The following POF1B variants were observed in gnomAD, a reference collection of about 807,000 sequenced individuals.
The protein encoded by POF1B is POF1B actin binding protein, also known as protein POF1B.
A neutral mutation model predicts 55.3 loss-of-function variants in POF1B; 53 were observed. The ratio of observed to expected loss-of-function variants is 0.96; its 90% CI spans 0.77 to 1.20. POF1B has a LOEUF of 1.20. POF1B is among the 50% of genes most tolerant of loss of function. POF1B has a pLI of 0.00. For synonymous variants in POF1B, 188 were observed against 148.3 expected (o/e 1.27, Z -1.95); for missense variants, 478 against 420.5 (o/e 1.14, Z -1.20).
At chrX:85,363,469 G>T (rs759202337) in intron 3 of POF1B, among the ~76,000 whole-genome samples, 8 of 111,580 alleles carry the variant, frequency 7.2e-5, no homozygotes, top group African/African-American at 2.3e-4. Flanking sequence ...TAGTTTCAAA[G>T]AACTTCTTGA....
rs777058764 is a variant in POF1B, at chrX:85,282,231, A to G, written c.1736T>C (p.Ile579Thr). 11 of 1,185,949 alleles carry G rather than the reference A, an allele frequency of 9.3e-6. No homozygotes were observed. Among genetic ancestry groups the G allele is most frequent in the Non-Finnish European group, 1.2e-5 (11 of 881,085 alleles). ...PPGSETQTIVIEKTEDKYTCP is the reference protein window; with the variant it reads ...PPGSETQTIVTEKTEDKYTCP ...AGTGTATTTGTCTTCTGTTTTCTCA[A>G]TCACAATAGTCTGTGTTTCACTACC... The change falls in exon 16 of 17, where the codon ATT (isoleucine) becomes ACT (threonine). Residue 579 changes from isoleucine (I) to threonine (T), a missense_variant. Coordinates refer to ENST00000262753, the MANE Select transcript of POF1B (RefSeq NM_024921.4).
rs187143100 is a variant in POF1B at position 85,302,076 on chromosome X, C to A, written c.1649+1330G>T. 1.4e-3 allele frequency among the ~76,000 whole-genome samples: 152 copies of A among 111,135 alleles called. 1 individual carries two copies. The highest frequency in any genetic ancestry group is 4.7e-3 in the African/African-American group (145 of 30,704). On this transcript the variant is annotated intron_variant, in intron 15 of 16. Transcript: ENST00000262753. ...TTTCTTGTATATAATACCAAAAGCACAAGCAAGAAAAAATATAGATGAATT... is the reference window on the plus strand; with the variant it reads ...TTTCTTGTATATAATACCAAAAGCAAAAGCAAGAAAAAATATAGATGAATT...
chrX:85,330,813 A>G (rs1421179954), intron 7 of POF1B, 136 bp downstream of exon 7: 31 of 569,135 alleles, frequency 5.4e-5, no homozygotes, highest in Non-Finnish European at 6.3e-5. Context: ...AACTTAAAGT[A>G]TAATTAAAAA....
intron 7 of POF1B, among the ~76,000 whole-genome samples, chrX:85,330,653 C>T (rs1199972733): frequency 9.0e-6 from 1 of 110,795 alleles, no homozygotes; most frequent in Non-Finnish European, 1.9e-5. Flanking sequence ...GAGACATTTG[C>T]TCATATCTGC....
intron 10 of POF1B, 56 bp from the exon 11 acceptor site, chrX:85,307,332 T>A (rs1932597566): frequency 8.0e-6 from 6 of 754,241 alleles, no homozygotes; most frequent in Non-Finnish European, 1.2e-5. Context: ...AACAGTCACA[T>A]AATACAAAGA....
intron 9 of POF1B, among the ~76,000 whole-genome samples, chrX:85,310,185 A>C (rs1469826208): frequency 2.7e-5 from 3 of 112,132 alleles, no homozygotes; most frequent in Non-Finnish European, 5.6e-5. Flanking sequence ...AAGAACAACA[A>C]AAATCTCAAC....
At chrX:85,304,238 CT>C in intron 14 of POF1B, 104 bp downstream of exon 14, 1 of 808,865 alleles carries the variant, frequency 1.2e-6, no homozygotes, top group South Asian at 5.7e-5. Flanking sequence ...AATAAAGTGA[CT>C]CTTGGATATG....
intron 15 of POF1B, among the ~76,000 whole-genome samples, chrX:85,282,751 G>A (rs1396687942): frequency 9.1e-6 from 1 of 109,613 alleles, no homozygotes; most frequent in African/African-American, 3.4e-5. Context: ...TTGTGGGGCA[G>A]AGTATCAGAC....
intron 6 of POF1B, among the ~76,000 whole-genome samples, chrX:85,339,712 A>G (rs964083091): frequency 2.7e-5 from 3 of 110,958 alleles, no homozygotes; most frequent in Non-Finnish European, 5.7e-5. Context: ...TTTCAGATGA[A>G]GGGAACAAAA....
intron 13 of POF1B, among the ~76,000 whole-genome samples, 171 bp from the exon 14 acceptor site, chrX:85,304,642 G>A (rs900263673): frequency 9.0e-6 from 1 of 110,981 alleles, no homozygotes; most frequent in Non-Finnish European, 1.9e-5. Flanking sequence ...GAAATGAAAT[G>A]CCAATTACAA....
At chrX:85,301,298 T>C (rs1445935541) in intron 15 of POF1B, among the ~76,000 whole-genome samples, 1 of 111,874 alleles carries the variant, frequency 8.9e-6, no homozygotes, top group East Asian at 2.8e-4. Flanking sequence ...AATTATCAAC[T>C]GATTTCTCAT....
intron 15 of POF1B, among the ~76,000 whole-genome samples, chrX:85,286,609 T>C (rs142269927): frequency 1.8e-5 from 2 of 111,366 alleles, no homozygotes; most frequent in East Asian, 5.7e-4. Flanking sequence ...TGGAAACATA[T>C]GTACCATGCA....
At chrX:85,328,168 T>A (rs778058957) in intron 7 of POF1B, among the ~76,000 whole-genome samples, 55 of 100,500 alleles carry the variant, frequency 5.5e-4, no homozygotes, top group East Asian at 1.7e-3. Flanking sequence ...ACAATATCTT[T>A]TTTATTTATT....
At chrX:85,331,402 G>A (rs1932976657) in intron 6 of POF1B, among the ~76,000 whole-genome samples, 1 of 109,420 alleles carries the variant, frequency 9.1e-6, no homozygotes, top group Non-Finnish European at 1.9e-5. Context: ...TGTCTCCTGT[G>A]GAAAAAGAAA....
chrX:85,284,986 A>C lies in POF1B; in HGVS notation c.1650-2669T>G, dbSNP rs182788135. ...AAAAAATCAAACATCCCCATCAAAA[A>C]GTGGGCAAAGGATATGAACAGACAC... On this transcript the variant is annotated intron_variant, in intron 15 of 16. Transcript: ENST00000262753. 3.3e-3 allele frequency among the ~76,000 whole-genome samples: 368 copies of C among 112,110 alleles called. 2 individuals are homozygous for C. Among genetic ancestry groups the C allele is most frequent in the African/African-American group, 0.011 (352 of 30,861 alleles).
chrX:85,333,566 G>A (rs1034222473), intron 6 of POF1B, among the ~76,000 whole-genome samples: 1 of 110,670 alleles, frequency 9.0e-6, no homozygotes, highest in African/African-American at 3.3e-5. Context: ...TTTTTTACAG[G>A]TTTCTCTCTT....
At chrX:85,317,860 A>G (rs952462898) in intron 7 of POF1B, among the ~76,000 whole-genome samples, 2 of 112,057 alleles carry the variant, frequency 1.8e-5, no homozygotes, top group African/African-American at 6.5e-5. Context: ...AAAATGTGGT[A>G]TATATACACC....
At chrX:85,369,777 G>A (rs1933788800) in intron 2 of POF1B, among the ~76,000 whole-genome samples, 1 of 111,889 alleles carries the variant, frequency 8.9e-6, no homozygotes. Flanking sequence ...CATGGAGTAT[G>A]TGTGTTATTC....
intron 9 of POF1B, among the ~76,000 whole-genome samples, chrX:85,313,896 A>T (rs1016003876): frequency 3.6e-5 from 4 of 110,219 alleles, no homozygotes; most frequent in Admixed American, 9.8e-5. Flanking sequence ...CCTTTCAAGG[A>T]TTCAACTTCT....
Sources: allele counts gnomAD v4.1 joint callset (sites outside exome capture counted in the v4.1 genomes callset), GRCh38; gene constraint gnomAD v4.1.1; transcripts MANE v1.5; gene names NCBI Gene and HGNC (gene_info 2026-07-23, HGNC 2026-07-21).